The following CRISPLD1 variants were observed in gnomAD, a reference collection of about 807,000 sequenced individuals.
CRISPLD1 encodes the protein cysteine rich secretory protein LCCL domain containing 1, also known as cysteine-rich secretory protein LCCL domain-containing 1.
In CRISPLD1, 60 loss-of-function variants were observed where a neutral mutation model predicts 77.5. That is an observed-to-expected ratio of 0.77 (90% CI 0.63 to 0.96). The LOEUF (loss-of-function observed/expected upper bound fraction) is 0.96, where lower values mean the gene tolerates loss of function less well. CRISPLD1 is among the 40% of genes least tolerant of loss of function. The probability of loss-of-function intolerance (pLI) is 0.00; values close to 1 mark genes in which losing one functional copy is unlikely to be tolerated. For missense variants in CRISPLD1, 623 were observed against 615.8 expected (o/e 1.01, Z -0.12); for synonymous variants, 195 against 200.1 (o/e 0.97, Z 0.22).
chr8:75,019,401 T>TA (rs1242509979), intron 10 of CRISPLD1, among the ~76,000 whole-genome samples: 3 of 152,198 alleles, frequency 2.0e-5, no homozygotes, highest in Non-Finnish European at 4.4e-5. Context: ...TTATTCATTT[T>TA]ACTGTATAAT....
intron 2 of CRISPLD1, among the ~76,000 whole-genome samples, chr8:74,986,910 C>T (rs1812505533): frequency 6.6e-6 from 1 of 152,138 alleles, no homozygotes; most frequent in South Asian, 2.1e-4. Flanking sequence ...TACTTTAAGA[C>T]TACTAGCATA....
In CRISPLD1 at chr8:75,025,559, C is replaced by G. The variant is rs138426954; in HGVS notation, c.1258C>G (p.Arg420Gly). ...TATTTTTTTCAGAGTATACTGTCCT[C>G]GTAACTGTATGCAAGCAAATCCACA... ...ASHCPRVYCP[R>G]NCMQANPHYA... The change falls in exon 13 of 15, where the codon CGT (arginine) becomes GGT (glycine). Residue 420 changes from arginine (R) to glycine (G), a missense_variant. By Grantham distance (125) the Arg-to-Gly change is moderately radical (BLOSUM62 -2). Coordinates refer to ENST00000262207, the MANE Select transcript of CRISPLD1 (RefSeq NM_031461.6). 1 of 1,556,758 alleles carries G rather than the reference C, an allele frequency of 6.4e-7. No individual in the cohort carries two copies. Among genetic ancestry groups the G allele is most frequent in the Non-Finnish European group, 8.8e-7 (1 of 1,132,228 alleles).
At chr8:74,998,414 G>A (rs1455547401) in intron 2 of CRISPLD1, among the ~76,000 whole-genome samples, 1 of 152,102 alleles carries the variant, frequency 6.6e-6, no homozygotes, top group East Asian at 1.9e-4. Flanking sequence ...GTCCAGCGCC[G>A]TGGCTCATAC....
intron 6 of CRISPLD1, among the ~76,000 whole-genome samples, chr8:75,015,337 A>T (rs1009642537): frequency 6.6e-6 from 1 of 152,164 alleles, no homozygotes; most frequent in Non-Finnish European, 1.5e-5. Flanking sequence ...ACCATGCTCA[A>T]TGAATTATGT....
At chr8:74,986,316 C>A (rs1812495102) in intron 2 of CRISPLD1, 71 bp downstream of exon 2, 4 of 1,407,066 alleles carry the variant, frequency 2.8e-6, no homozygotes, top group Non-Finnish European at 3.9e-6. Flanking sequence ...AGTCTTCATG[C>A]TGTTCTTTAA....
rs1396724096 is a variant in CRISPLD1 at position 75,033,547 on chromosome 8, AAAAG to A, written c.*1308_*1311del. The A allele has an allele frequency of 6.6e-6, 1 of 152,012 alleles. No homozygotes were observed. The highest frequency in any genetic ancestry group is 6.6e-5 in the Admixed American group (1 of 15,254). The allele number at this position is 152,012 out of a possible 1,614,324, so 9.4% of individuals were successfully genotyped here. Reference sequence around the variant, plus strand: ...AGAGATGAATTTATAAAGTAGGAAAAAAAGAATCTGAAAGATACAAAGTGATTAT... The same window carrying A: ...AGAGATGAATTTATAAAGTAGGAAAAAATCTGAAAGATACAAAGTGATTAT... On this transcript the variant is annotated 3_prime_UTR_variant, in exon 15 of 15. Coordinates refer to ENST00000262207, the MANE Select transcript of CRISPLD1 (RefSeq NM_031461.6).
intron 10 of CRISPLD1, among the ~76,000 whole-genome samples, chr8:75,018,894 A>AATC (rs1158558458): frequency 1.3e-5 from 2 of 152,188 alleles, no homozygotes; most frequent in Admixed American, 6.5e-5. Flanking sequence ...ACTTGGCCTG[A>AATC]AGTTCTATAG....
intron 6 of CRISPLD1, 96 bp downstream of exon 6, chr8:75,015,008 A>T: frequency 3.0e-6 from 2 of 656,956 alleles, no homozygotes; most frequent in Non-Finnish European, 5.0e-6. Context: ...GCACTTAATG[A>T]TCACACGAAA....
chr8:74,989,358 G>A (rs1302367547), intron 2 of CRISPLD1, among the ~76,000 whole-genome samples: 5 of 152,178 alleles, frequency 3.3e-5, no homozygotes, highest in Non-Finnish European at 1.5e-5. Context: ...TACTGTTGTT[G>A]AAGTGGTAGT....
intron 2 of CRISPLD1, among the ~76,000 whole-genome samples, chr8:74,992,911 T>G (rs977483608): frequency 4.1e-4 from 61 of 150,590 alleles, no homozygotes; most frequent in African/African-American, 1.4e-3. Flanking sequence ...TATGGTTTTT[T>G]TTTTTTTTTT....
intron 10 of CRISPLD1, among the ~76,000 whole-genome samples, chr8:75,018,552 A>G (rs1813077643): frequency 6.7e-6 from 1 of 150,368 alleles, no homozygotes; most frequent in South Asian, 2.1e-4. Context: ...CAGCCTCACA[A>G]AGTACTGGGA....
At chr8:75,021,455 ATTC>A (rs1289596661) in intron 12 of CRISPLD1, among the ~76,000 whole-genome samples, 1 of 152,220 alleles carries the variant, frequency 6.6e-6, no homozygotes, top group East Asian at 1.9e-4. Context: ...GAATTTTAAA[ATTC>A]TTCAGCTTGT....
rs140029232 is a variant in CRISPLD1 at position 75,014,014 on chromosome 8, G to T, written c.538G>T (p.Gly180Cys). 1 of 1,612,842 alleles carries T rather than the reference G, an allele frequency of 6.2e-7. No homozygotes were observed. Among genetic ancestry groups the T allele is most frequent in the Non-Finnish European group, 8.5e-7 (1 of 1,179,248 alleles). ...CGTGTGGGCAACTAGTAACAGAATCGGTTGTGCCATTAATTTGTGTCATAA... is the reference window on the plus strand; with the variant it reads ...CGTGTGGGCAACTAGTAACAGAATCTGTTGTGCCATTAATTTGTGTCATAA... ...QVVWATSNRIGCAINLCHNMN... is the reference protein window; with the variant it reads ...QVVWATSNRICCAINLCHNMN... Residue 180 changes from glycine to cysteine, a missense_variant, in exon 5 of 15, where the codon GGT becomes TGT. Transcript: ENST00000262207.
At chr8:75,008,106 T>C (rs1018734942) in intron 2 of CRISPLD1, among the ~76,000 whole-genome samples, 1 of 152,184 alleles carries the variant, frequency 6.6e-6, no homozygotes, top group Non-Finnish European at 1.5e-5. Context: ...TCAATAGTAT[T>C]CTAAATATTT....
intron 6 of CRISPLD1, 141 bp from the exon 7 acceptor site, chr8:75,016,424 A>T: frequency 1.3e-6 from 1 of 754,804 alleles, no homozygotes; most frequent in Non-Finnish European, 2.0e-6. Context: ...TCACCACCTT[A>T]AGCCAAAACC....
intron 6 of CRISPLD1, among the ~76,000 whole-genome samples, chr8:75,015,815 T>C (rs1813017667): frequency 6.6e-6 from 1 of 152,120 alleles, no homozygotes; most frequent in South Asian, 2.1e-4. Flanking sequence ...TTTTTCATAT[T>C]CTCTGTGTCC....
chr8:75,019,930 T>G lies in CRISPLD1; in HGVS notation c.1171+17T>G. 1.2e-6 allele frequency: 2 copies of G among 1,611,872 alleles called. No homozygotes were observed. Among genetic ancestry groups the G allele is most frequent in the Non-Finnish European group, 1.7e-6 (2 of 1,177,902 alleles). On this transcript the variant is annotated intron_variant, in intron 11 of 14. Transcript: ENST00000262207. Reference sequence around the variant, plus strand: ...AAGTAACAGGTTAGCACATTCTTCATCTTATTTTCTTAGTACTGTGTAGTA... The same window carrying G: ...AAGTAACAGGTTAGCACATTCTTCAGCTTATTTTCTTAGTACTGTGTAGTA...
intron 14 of CRISPLD1, 119 bp downstream of exon 14, chr8:75,029,636 C>T (rs1165603881): frequency 2.1e-6 from 2 of 973,826 alleles, no homozygotes; most frequent in Admixed American, 4.7e-5. Context: ...GTGGCAGAGC[C>T]AGTGTGTTCC....
intron 12 of CRISPLD1, among the ~76,000 whole-genome samples, chr8:75,023,129 T>C (rs1813168398): frequency 6.7e-6 from 1 of 149,410 alleles, no homozygotes; most frequent in South Asian, 2.1e-4. Context: ...CTCAGTAGTA[T>C]GTAACAAGCT....
Sources: allele counts gnomAD v4.1 joint callset (sites outside exome capture counted in the v4.1 genomes callset), GRCh38; gene constraint gnomAD v4.1.1; transcripts MANE v1.5; gene names NCBI Gene and HGNC (gene_info 2026-07-23, HGNC 2026-07-21).